ERP44: variants seen among roughly 807,000 people sequenced by gnomAD.
ERP44 encodes the protein endoplasmic reticulum protein 44, also known as endoplasmic reticulum resident protein 44.
Under a neutral mutation model 53.4 loss-of-function variants are expected in ERP44, and 25 were observed. The observed-to-expected ratio is 0.47, with a 90% CI of 0.34 to 0.65. The LOEUF (loss-of-function observed/expected upper bound fraction) is 0.65. Ranked by LOEUF, ERP44 falls within the 30% of genes least tolerant of loss-of-function variation. The probability of loss-of-function intolerance (pLI) is 0.01; values close to 1 mark genes in which losing one functional copy is unlikely to be tolerated. For missense variants in ERP44, 338 were observed against 493.2 expected, an observed-to-expected ratio of 0.69 and a Z score of 2.98; for synonymous variants, 145 against 161.2, an observed-to-expected ratio of 0.90 and a Z score of 0.76.
At chr9:100,020,833 G>A (rs1830580743) in intron 5 of ERP44, 102 bp from the exon 6 acceptor site, 1 of 616,110 alleles carries the variant, frequency 1.6e-6, no homozygotes, top group Non-Finnish European at 2.9e-6. Context: ...TCCAGTCATT[G>A]TTCAAATGAA....
chr9:100,052,484 A>G lies in ERP44; in HGVS notation c.219T>C (p.Asp73=), dbSNP rs1357480949. 1.2e-6 allele frequency: 2 copies of G among 1,613,014 alleles called. No homozygotes were observed. The highest frequency in any genetic ancestry group is 4.5e-5 in the East Asian group (2 of 44,824). Residue 73 remains aspartate, a synonymous_variant, in exon 4 of 12, where the codon GAT becomes GAC. Coordinates refer to ENST00000262455, the MANE Select transcript of ERP44 (RefSeq NM_015051.3). ...MLHPIFEEAS[D]VIKEEFPNEN... is the part of the protein sequence containing the mutation. ...CATTTGGAAATTCTTCCTTAATGACATCGGAAGCTTCCTCAAAAATTGGAT... is the reference window on the plus strand; with the variant it reads ...CATTTGGAAATTCTTCCTTAATGACGTCGGAAGCTTCCTCAAAAATTGGAT...
At chr9:100,002,206 A>G (rs985328456) in intron 10 of ERP44, among the ~76,000 whole-genome samples, 1 of 149,568 alleles carries the variant, frequency 6.7e-6, no homozygotes, top group African/African-American at 2.4e-5. Flanking sequence ...ACATCTTTTT[A>G]TATTGTGTAT....
At chr9:100,045,275 G>A (rs547509168) in intron 4 of ERP44, among the ~76,000 whole-genome samples, 4 of 152,030 alleles carry the variant, frequency 2.6e-5, no homozygotes, top group Non-Finnish European at 4.4e-5. Context: ...CCTCGAAAAC[G>A]TCTTCCCTAT....
chr9:100,017,149 G>A (rs201555474), intron 7 of ERP44, among the ~76,000 whole-genome samples: 3 of 152,240 alleles, frequency 2.0e-5, no homozygotes, highest in East Asian at 1.9e-4. Flanking sequence ...TCTATGAAGT[G>A]TCTAAAATGA....
Position 100,016,403 on chromosome 9 carries a change from C to T in ERP44, c.681G>A (p.Met227Ile), listed in dbSNP as rs1587963469. Residue 227 changes from methionine to isoleucine, a missense_variant, in exon 8 of 12, where the codon ATG becomes ATA. Physicochemically the swap from Met to Ile is conservative, Grantham distance 10. Coordinates refer to ENST00000262455, the MANE Select transcript of ERP44 (RefSeq NM_015051.3). Reference sequence around the variant, plus strand: ...AATTGTAAGTCACATCAAAATTTGTCATAGCTCCCAAGTACACCATATCCG... The same window carrying T: ...AATTGTAAGTCACATCAAAATTTGTTATAGCTCCCAAGTACACCATATCCG... ...SAPDMVYLGA[M>I]TNFDVTYNWI... The T allele has an allele frequency of 6.2e-7, 1 of 1,612,196 alleles. No individual in the cohort carries two copies. Among genetic ancestry groups the T allele is most frequent in the Non-Finnish European group, 8.5e-7 (1 of 1,179,416 alleles).
intron 4 of ERP44, among the ~76,000 whole-genome samples, chr9:100,026,273 C>T (rs2118663085): frequency 6.6e-6 from 1 of 152,278 alleles, no homozygotes; most frequent in South Asian, 2.1e-4. Flanking sequence ...ACAACGTCTA[C>T]TTTGGAAAGG....
intron 4 of ERP44, among the ~76,000 whole-genome samples, chr9:100,025,483 A>T (rs1186209677): frequency 6.6e-6 from 1 of 152,210 alleles, no homozygotes; most frequent in African/African-American, 2.4e-5. Context: ...AAACCAATTA[A>T]TGTACATCAC....
At chr9:99,988,947 C>T (rs1431334598) in intron 10 of ERP44, among the ~76,000 whole-genome samples, 3 of 152,190 alleles carry the variant, frequency 2.0e-5, no homozygotes, top group African/African-American at 7.2e-5. Context: ...CGCAGCAGTC[C>T]GAGATGGAAC....
intron 4 of ERP44, among the ~76,000 whole-genome samples, chr9:100,038,478 C>A (rs951899578): frequency 1.3e-5 from 2 of 151,818 alleles, no homozygotes; most frequent in African/African-American, 4.8e-5. Flanking sequence ...ATGGTAACCT[C>A]AAATCAAACA....
intron 1 of ERP44, among the ~76,000 whole-genome samples, chr9:100,079,495 A>G (rs905333468): frequency 1.3e-5 from 2 of 152,054 alleles, no homozygotes; most frequent in Non-Finnish European, 2.9e-5. Context: ...GAACCCTAAT[A>G]CAAACATATT....
intron 1 of ERP44, among the ~76,000 whole-genome samples, chr9:100,070,869 T>C (rs554968293): frequency 5.8e-4 from 89 of 152,200 alleles, no homozygotes; most frequent in African/African-American, 2.0e-3. Flanking sequence ...AAGTAGACTC[T>C]GAGACAAGGA....
chr9:99,985,881 G>A (rs1451522642), intron 10 of ERP44, among the ~76,000 whole-genome samples: 1 of 152,164 alleles, frequency 6.6e-6, no homozygotes, highest in Non-Finnish European at 1.5e-5. Flanking sequence ...TTTTGTTTTG[G>A]AGATCTTCAT....
intron 4 of ERP44, among the ~76,000 whole-genome samples, chr9:100,049,731 C>G (rs1246332410): frequency 6.6e-6 from 1 of 152,104 alleles, no homozygotes; most frequent in East Asian, 1.9e-4. Flanking sequence ...AAACATGGAC[C>G]TACCATATGA....
At chr9:100,062,196 TAA>T (rs1171973281) in intron 1 of ERP44, among the ~76,000 whole-genome samples, 1 of 152,192 alleles carries the variant, frequency 6.6e-6, no homozygotes, top group Non-Finnish European at 1.5e-5. Context: ...TGAATAAAAA[TAA>T]AGTTTTTCCC....
chr9:100,084,618 C>T (rs1377137514), intron 1 of ERP44, among the ~76,000 whole-genome samples: 1 of 152,050 alleles, frequency 6.6e-6, no homozygotes, highest in Non-Finnish European at 1.5e-5. Context: ...AACTAAAAAC[C>T]ATTTAAACAA....
At chr9:100,042,601 T>G (rs950637313) in intron 4 of ERP44, among the ~76,000 whole-genome samples, 1 of 152,110 alleles carries the variant, frequency 6.6e-6, no homozygotes, top group South Asian at 2.1e-4. Context: ...CAAGAGACAT[T>G]TGCACTCCCA....
In ERP44 at chr9:100,098,818, G is replaced by A; in HGVS notation, c.23C>T (p.Ser8Phe). 6.2e-7 allele frequency: 1 copy of A among 1,613,868 alleles called. No homozygotes were observed. Among genetic ancestry groups the A allele is most frequent in the Admixed American group, 1.7e-5 (1 of 59,986 alleles). Residue 8 changes from serine to phenylalanine, a missense_variant, in exon 1 of 12, where the codon TCC becomes TTC. Physicochemically the swap from Ser to Phe is radical, Grantham distance 155 (BLOSUM62 -2). Transcript: ENST00000262455. ...AAGGGAGCATCTGAGGTCGGGTAAG[G>A]ATAGGAAGACGGCAGGATGCATGGT... MHPAVFLSLPDLRCSLLL... is the reference protein window; with the variant it reads MHPAVFLFLPDLRCSLLL...
rs544601346 is a variant in ERP44 at position 100,088,717 on chromosome 9, G to A, written c.57+10067C>T. On this transcript the variant is annotated intron_variant, in intron 1 of 11. Transcript: ENST00000262455. ...GACATAATACCAGTATTATTCCTCA[G>A]AAGTTAATAGGAAAATAGAGATGTT... Among the ~76,000 whole-genome samples the A allele has an allele frequency of 5.6e-4, 85 of 152,274 alleles. 1 individual carries two copies. In the South Asian group the frequency reaches 0.013, roughly 23 times the overall value.
intron 10 of ERP44, among the ~76,000 whole-genome samples, chr9:100,004,991 G>A (rs919158815): frequency 6.6e-6 from 1 of 152,106 alleles, no homozygotes; most frequent in Non-Finnish European, 1.5e-5. Flanking sequence ...ATCTGATTAT[G>A]TCATTCCCTG....
Sources: gnomAD v4.1 joint callset for allele counts (sites outside exome capture counted in the v4.1 genomes callset) on GRCh38, gnomAD v4.1.1 for gene constraint, MANE v1.5 for transcripts, NCBI Gene and HGNC (gene_info 2026-07-23, HGNC 2026-07-21) for gene names.